Variants in MYO9A observed in about 807,000 individuals in gnomAD.
MYO9A encodes the protein unconventional myosin-IXa.
A neutral mutation model predicts 293.3 loss-of-function variants in MYO9A; 103 were observed. That is an observed-to-expected ratio of 0.35 (90% CI 0.30 to 0.41). MYO9A has a LOEUF of 0.41. Among genes scored for constraint, MYO9A ranks in the 10% least tolerant of loss-of-function variants. MYO9A has a pLI of 1.00. For synonymous variants in MYO9A, 1,001 were observed against 1,035.7 expected (o/e 0.97, Z 0.64); for missense variants, 2,685 against 3,033.0 (o/e 0.89, Z 2.69).
chr15:71,937,772 AATGAGGCAT>A (rs1177338574), intron 16 of MYO9A, among the ~76,000 whole-genome samples: 2 of 152,160 alleles, frequency 1.3e-5, no homozygotes, highest in African/African-American at 4.8e-5. Context: ...TGCTTTGTGA[AATGAGGCAT>A]ATTGCGGTTT....
rs563136943 is a variant in MYO9A at position 72,061,408 on chromosome 15, T to C, written c.-71-14774A>G. Among the ~76,000 whole-genome samples the C allele has an allele frequency of 2.6e-5, 4 of 152,212 alleles. No homozygotes were observed. In the East Asian group the frequency reaches 7.8e-4, roughly 30 times the overall value. ...TCTTAAAGTCCCTGATTTTAGGCCT[T>C]AGCTCATGGACAGCATTTCCAGACC... On this transcript the variant is annotated intron_variant, in intron 1 of 41. Coordinates refer to ENST00000356056, the MANE Select transcript of MYO9A (RefSeq NM_006901.4).
intron 12 of MYO9A, among the ~76,000 whole-genome samples, chr15:71,971,753 G>C (rs1407633688): frequency 6.6e-6 from 1 of 150,832 alleles, no homozygotes; most frequent in African/African-American, 2.4e-5. Flanking sequence ...ATCTGCCAAG[G>C]GTAGTTTTGA....
At chr15:71,950,968 C>T (rs536271092) in intron 15 of MYO9A, among the ~76,000 whole-genome samples, 3 of 152,060 alleles carry the variant, frequency 2.0e-5, no homozygotes, top group African/African-American at 7.2e-5. Flanking sequence ...AGTAATCTTA[C>T]AACTGGCAAA....
chr15:71,979,482 A>G (rs1169720263), intron 11 of MYO9A, among the ~76,000 whole-genome samples: 1 of 152,218 alleles, frequency 6.6e-6, no homozygotes, highest in Non-Finnish European at 1.5e-5. Flanking sequence ...AATACAATCA[A>G]TAAGATTCCC....
At chr15:71,912,113 G>A (rs1321673669) in intron 19 of MYO9A, among the ~76,000 whole-genome samples, 1 of 151,930 alleles carries the variant, frequency 6.6e-6, no homozygotes, top group Non-Finnish European at 1.5e-5. Context: ...ACCATGTTCT[G>A]TATAGTGTAA....
rs188966377 is a variant in MYO9A at position 71,911,701 on chromosome 15, A to T, written c.2685+4669T>A. On this transcript the variant is annotated intron_variant, in intron 19 of 41. Transcript: ENST00000356056. ...TGACCAGACTTTGACATACAGGTCC[A>T]TGCATAAACATTGCACAGTTCTTTA... 2.3e-4 allele frequency among the ~76,000 whole-genome samples: 35 copies of T among 152,348 alleles called. 1 individual carries two copies. The East Asian group carries it at 4.6e-3, about 20-fold the overall frequency.
chr15:72,111,396 C>T (rs942939690), intron 1 of MYO9A, among the ~76,000 whole-genome samples: 3 of 144,360 alleles, frequency 2.1e-5, no homozygotes, highest in Non-Finnish European at 4.5e-5. Flanking sequence ...GGCTGAGGCA[C>T]GAGAATCACT....
At chr15:71,881,458 A>G (rs557013548) in intron 28 of MYO9A, among the ~76,000 whole-genome samples, 6 of 152,154 alleles carry the variant, frequency 3.9e-5, no homozygotes, top group Admixed American at 3.9e-4. Flanking sequence ...GAATTGAGAG[A>G]AACCCAATTT....
chr15:71,888,948 G>A (rs776692059), intron 26 of MYO9A, among the ~76,000 whole-genome samples: 8 of 152,058 alleles, frequency 5.3e-5, no homozygotes, highest in East Asian at 1.9e-4. Context: ...ATATGAAACC[G>A]CAATGTTTAA....
At chr15:72,112,237 C>T (rs1377779785) in intron 1 of MYO9A, among the ~76,000 whole-genome samples, 1 of 151,756 alleles carries the variant, frequency 6.6e-6, no homozygotes. Context: ...ATAAAAAAAA[C>T]ACACACAATT....
chr15:72,060,107 T>A (rs1372627119), intron 1 of MYO9A, among the ~76,000 whole-genome samples: 17 of 151,810 alleles, frequency 1.1e-4, no homozygotes, highest in Non-Finnish European at 1.8e-4. Flanking sequence ...TTTTTGTACA[T>A]TTTGGCTGCA....
At chr15:72,049,464 T>A (rs903640231) in intron 1 of MYO9A, among the ~76,000 whole-genome samples, 2 of 152,186 alleles carry the variant, frequency 1.3e-5, no homozygotes, top group African/African-American at 4.8e-5. Context: ...CAAATCTTCT[T>A]ACAGCCAGGG....
chr15:71,928,057 T>TATATATATTATTATTA (rs1491302118), intron 18 of MYO9A, among the ~76,000 whole-genome samples: 1 of 4,508 alleles, frequency 2.2e-4, no homozygotes, highest in African/African-American at 5.2e-4. Flanking sequence ...TATATATATA[T>TATATATATTATTATTA]TTTTTTTTTT....
chr15:71,998,600 T>A (rs2076774323), intron 9 of MYO9A, among the ~76,000 whole-genome samples: 1 of 151,564 alleles, frequency 6.6e-6, no homozygotes. Flanking sequence ...ATTACACTTT[T>A]AAGTATTAGG....
intron 1 of MYO9A, among the ~76,000 whole-genome samples, chr15:72,058,721 T>G (rs763827834): frequency 6.6e-6 from 1 of 152,194 alleles, no homozygotes; most frequent in Non-Finnish European, 1.5e-5. Context: ...GGTAAGAAAG[T>G]TGCTGTGGTT....
chr15:72,000,426 A>G (rs2076830421), intron 8 of MYO9A, among the ~76,000 whole-genome samples: 2 of 150,510 alleles, frequency 1.3e-5, no homozygotes, highest in Admixed American at 1.3e-4. Flanking sequence ...TAAACTTTTA[A>G]GATAAAGTTG....
chr15:72,112,340 T>G (rs1455133989), intron 1 of MYO9A, among the ~76,000 whole-genome samples: 1 of 152,188 alleles, frequency 6.6e-6, no homozygotes, highest in African/African-American at 2.4e-5. Context: ...ATGACCCCAC[T>G]GCCAAAATAC....
intron 6 of MYO9A, among the ~76,000 whole-genome samples, chr15:72,018,255 G>A (rs1278165495): frequency 6.6e-6 from 1 of 151,908 alleles, no homozygotes; most frequent in African/African-American, 2.4e-5. Flanking sequence ...ATCACTTGAG[G>A]CCATGAGTTC....
intron 34 of MYO9A, among the ~76,000 whole-genome samples, chr15:71,859,202 A>C (rs951626221): frequency 6.6e-6 from 1 of 152,236 alleles, no homozygotes; most frequent in Non-Finnish European, 1.5e-5. Flanking sequence ...TGAATAAGAA[A>C]ATGTTGTGAT....
Sources: gnomAD v4.1 joint callset for allele counts (sites outside exome capture counted in the v4.1 genomes callset) on GRCh38, gnomAD v4.1.1 for gene constraint, MANE v1.5 for transcripts, NCBI Gene and HGNC (gene_info 2026-07-23, HGNC 2026-07-21) for gene names.